Variants in IL15 observed in about 807,000 individuals in gnomAD.
The protein encoded by IL15 is interleukin 15.
IL15 carries 11 observed loss-of-function variants against 19.6 expected under a neutral mutation model. The observed-to-expected ratio is 0.56, with a 90% CI of 0.35 to 0.93. The LOEUF is 0.93. Ranked by LOEUF, IL15 falls within the 40% of genes least tolerant of loss-of-function variation. IL15 has a pLI of 0.01. For synonymous variants in IL15, 58 were observed against 59.6 expected, an observed-to-expected ratio of 0.97 and a Z score of 0.12; for missense variants, 197 against 186.5, an observed-to-expected ratio of 1.06 and a Z score of -0.33.
chr4:141,671,664 C>A (rs1728181228), intron 2 of IL15, among the ~76,000 whole-genome samples: 2 of 152,158 alleles, frequency 1.3e-5, no homozygotes, highest in Non-Finnish European at 1.5e-5. Flanking sequence ...TCTTACATGA[C>A]AGCAGAAACA....
At chr4:141,655,252 G>T (rs1727550239) in intron 1 of IL15, among the ~76,000 whole-genome samples, 2 of 151,908 alleles carry the variant, frequency 1.3e-5, no homozygotes, top group African/African-American at 2.4e-5. Flanking sequence ...GTTAATGAAG[G>T]TTCATAAAGA....
At chr4:141,709,387 T>C (rs1441765406) in intron 2 of IL15, among the ~76,000 whole-genome samples, 1 of 152,216 alleles carries the variant, frequency 6.6e-6, no homozygotes, top group Non-Finnish European at 1.5e-5. Context: ...GGTTGTTCAT[T>C]GTGTTTTTAA....
In IL15 at chr4:141,686,986, AT is replaced by A. The variant is rs1390857335; in HGVS notation, c.-100+30685del. The stretch of plus-strand genomic sequence containing the variant: ...TAGCAAAGGGGATTGAAATTTATTA[AT>A]TTTTTATTGTTGCTGGTTTAGGAAG... On this transcript the variant is annotated intron_variant, in intron 2 of 7. Transcript: ENST00000320650. 3.9e-5 allele frequency among the ~76,000 whole-genome samples: 6 copies of A among 152,324 alleles called. No individual in the cohort carries two copies. In the South Asian group the frequency reaches 8.3e-4, roughly 21 times the overall value.
At chr4:141,695,668 T>C (rs543462128) in intron 2 of IL15, among the ~76,000 whole-genome samples, 22 of 152,266 alleles carry the variant, frequency 1.4e-4, no homozygotes, top group African/African-American at 5.3e-4. Context: ...TTTTCTCTAA[T>C]GGCTGTGCTA....
intron 1 of IL15, among the ~76,000 whole-genome samples, chr4:141,639,109 G>A (rs767037565): frequency 1.3e-4 from 20 of 152,188 alleles, no homozygotes; most frequent in Middle Eastern, 3.4e-3. Flanking sequence ...TAAAAACATC[G>A]TAATAAACTT....
At chr4:141,641,883 A>T (rs945762636) in intron 1 of IL15, among the ~76,000 whole-genome samples, 1 of 151,772 alleles carries the variant, frequency 6.6e-6, no homozygotes, top group African/African-American at 2.4e-5. Flanking sequence ...AGCTTCTAGA[A>T]ACTTAGAAAG....
chr4:141,650,528 T>G, intron 1 of IL15, among the ~76,000 whole-genome samples: 1 of 152,098 alleles, frequency 6.6e-6, no homozygotes, highest in African/African-American at 2.4e-5. Context: ...GGTAACTGAA[T>G]GAACTTCTGG....
chr4:141,688,799 G>C (rs568204808), intron 2 of IL15: 32 of 151,806 alleles, frequency 2.1e-4, no homozygotes, highest in Non-Finnish European at 4.0e-4. Flanking sequence ...CTTTCCCTCA[G>C]ATCAGTCCTG....
chr4:141,713,391 A>G (rs1474995915), intron 2 of IL15, among the ~76,000 whole-genome samples: 5 of 152,234 alleles, frequency 3.3e-5, no homozygotes, highest in African/African-American at 1.2e-4. Context: ...GTTTTTATAA[A>G]TAAAGTTGTA....
intron 2 of IL15, among the ~76,000 whole-genome samples, chr4:141,685,525 C>T (rs946577752): frequency 4.6e-5 from 7 of 151,932 alleles, no homozygotes; most frequent in African/African-American, 1.7e-4. Flanking sequence ...GGCCTCAGCT[C>T]CCTCATGGAA....
chr4:141,732,371 G>A (rs1730478370), intron 7 of IL15, among the ~76,000 whole-genome samples: 1 of 152,134 alleles, frequency 6.6e-6, no homozygotes, highest in Non-Finnish European at 1.5e-5. Context: ...GAGGCAAGGG[G>A]GATATGTGAA....
Position 141,698,169 on chromosome 4 carries a change from G to C in IL15, c.-99-21197G>C, listed in dbSNP as rs191961884. ...GACTTGCATGTGTTAAACCATCCCT[G>C]CAACTCTGGTATGAAATTCACTTGA... On this transcript the variant is annotated intron_variant, in intron 2 of 7. Transcript: ENST00000320650. Among the ~76,000 whole-genome samples, 3 of 152,130 alleles carry C rather than the reference G, an allele frequency of 2.0e-5. No homozygotes were observed. In the East Asian group the frequency reaches 5.8e-4, roughly 29 times the overall value.
intron 2 of IL15, among the ~76,000 whole-genome samples, chr4:141,689,281 TTA>T (rs1003286802): frequency 4.6e-5 from 7 of 152,132 alleles, no homozygotes; most frequent in Non-Finnish European, 1.0e-4. Flanking sequence ...CAGCCTGCTT[TTA>T]TTCTCTTATC....
At chr4:141,712,985 G>A (rs959082498) in intron 2 of IL15, among the ~76,000 whole-genome samples, 219 of 151,730 alleles carry the variant, frequency 1.4e-3, no homozygotes, top group African/African-American at 5.0e-3. Context: ...AACATATTGT[G>A]TAGCCTTATA....
At chr4:141,649,041 A>G (rs1389967915) in intron 1 of IL15, among the ~76,000 whole-genome samples, 1 of 152,150 alleles carries the variant, frequency 6.6e-6, no homozygotes, top group Non-Finnish European at 1.5e-5. Flanking sequence ...CTGAGTGTCC[A>G]GGATACTGAA....
intron 5 of IL15, among the ~76,000 whole-genome samples, chr4:141,722,639 T>A (rs1032245372): frequency 6.6e-6 from 1 of 152,180 alleles, no homozygotes; most frequent in African/African-American, 2.4e-5. Flanking sequence ...TCACCCATTG[T>A]AACAAGAAAT....
chr4:141,689,855 C>T (rs1232474500), intron 2 of IL15, among the ~76,000 whole-genome samples: 3 of 152,180 alleles, frequency 2.0e-5, no homozygotes, highest in Non-Finnish European at 4.4e-5. Flanking sequence ...CTCCGTGCGC[C>T]TACACTCCTC....
At chr4:141,731,811 A>G (rs1034460537) in intron 7 of IL15, among the ~76,000 whole-genome samples, 3 of 152,202 alleles carry the variant, frequency 2.0e-5, no homozygotes, top group African/African-American at 7.2e-5. Flanking sequence ...TGGATATAAA[A>G]TCTAATTTTT....
intron 2 of IL15, among the ~76,000 whole-genome samples, chr4:141,669,337 G>T (rs1162033705): frequency 1.3e-5 from 2 of 152,176 alleles, no homozygotes; most frequent in Non-Finnish European, 2.9e-5. Context: ...AATTTGAGTG[G>T]TTGTGTGGTG....
Sources: allele counts gnomAD v4.1 joint callset (sites outside exome capture counted in the v4.1 genomes callset), GRCh38; gene constraint gnomAD v4.1.1; transcripts MANE v1.5; gene names NCBI Gene and HGNC (gene_info 2026-07-23, HGNC 2026-07-21).